The following SLC2A12 variants were observed in gnomAD, a reference collection of about 807,000 sequenced individuals.
The protein encoded by SLC2A12 is solute carrier family 2, facilitated glucose transporter member 12.
Under a neutral mutation model 41.8 loss-of-function variants are expected in SLC2A12, and 23 were observed. That is an observed-to-expected ratio of 0.55 (90% CI 0.40 to 0.78). SLC2A12 has a LOEUF of 0.78. Ranked by LOEUF, SLC2A12 falls within the 30% of genes least tolerant of loss-of-function variation. The pLI is 0.00. For synonymous variants in SLC2A12, 295 were observed against 285.9 expected (o/e 1.03, Z -0.32); for missense variants, 654 against 745.6 (o/e 0.88, Z 1.43).
intron 1 of SLC2A12, among the ~76,000 whole-genome samples, chr6:134,035,728 C>G (rs2114492863): frequency 1.3e-5 from 2 of 152,330 alleles, no homozygotes; most frequent in Middle Eastern, 6.8e-3. Context: ...TCTGTCTCCA[C>G]ACTGCGTTGC....
rs1225437732 is a variant in SLC2A12 at position 134,022,547 on chromosome 6, AG to A, written c.1444+5833del. 3.2e-4 allele frequency among the ~76,000 whole-genome samples: 13 copies of A among 40,126 alleles called. No homozygotes were observed. The South Asian group carries it at 6.1e-3, about 19-fold the overall frequency. The allele number at this position is 40,126 out of a possible 152,430, so 26.3% of individuals were successfully genotyped here. Reference sequence around the variant, plus strand: ...ACTCCATCTCAAAAAAGAAAAGAAAAGAAAAGAAAAGAAAAGAAAAGAAAAG... The same window carrying A: ...ACTCCATCTCAAAAAAGAAAAGAAAAAAAAGAAAAGAAAAGAAAAGAAAAG... On this transcript the variant is annotated intron_variant, in intron 2 of 4. Transcript: ENST00000275230.
chr6:134,016,898 G>A (rs1776969511), intron 2 of SLC2A12, among the ~76,000 whole-genome samples: 1 of 152,062 alleles, frequency 6.6e-6, no homozygotes, highest in Admixed American at 6.6e-5. Flanking sequence ...GTTTAATTAG[G>A]TAAGCAAAAA....
rs200249148 is a variant in SLC2A12 at position 133,987,648 on chromosome 6, G to GTGTGTGTATATATATA, written c.*3506_*3507insTATATATATACACACA. The GTGTGTGTATATATATA allele has an allele frequency of 1.1e-5, 1 of 88,320 alleles. No homozygotes were observed. Among genetic ancestry groups the GTGTGTGTATATATATA allele is most frequent in the Non-Finnish European group, 2.8e-5 (1 of 35,238 alleles). 5.5% of individuals were successfully genotyped at this position (88,320 alleles called of 1,614,324 possible). On this transcript the variant is annotated 3_prime_UTR_variant, in exon 5 of 5. Coordinates refer to ENST00000275230, the MANE Select transcript of SLC2A12 (RefSeq NM_145176.3). ...TTTGTGTGTGTGTGTGTGTGTGTGT[G>GTGTGTGTATATATATA]TATATATATATATATATATGCACCA...
chr6:134,021,624 CA>C (rs1279241607), intron 2 of SLC2A12, among the ~76,000 whole-genome samples: 2 of 152,162 alleles, frequency 1.3e-5, no homozygotes, highest in African/African-American at 4.8e-5. Context: ...TTACTATGCC[CA>C]TTACATAGAT....
intron 4 of SLC2A12, among the ~76,000 whole-genome samples, chr6:133,996,686 A>G: frequency 6.6e-6 from 1 of 152,198 alleles, no homozygotes; most frequent in Non-Finnish European, 1.5e-5. Flanking sequence ...ATTAACTTGT[A>G]AATTCATGAA....
chr6:134,025,967 C>T (rs1409419622), intron 2 of SLC2A12, among the ~76,000 whole-genome samples: 6 of 152,194 alleles, frequency 3.9e-5, no homozygotes, highest in African/African-American at 1.4e-4. Flanking sequence ...TTCAAAATTA[C>T]CCCAAAACTA....
chr6:134,049,117 G>A lies in SLC2A12; in HGVS notation c.103+3261C>T, dbSNP rs192026508. Among the ~76,000 whole-genome samples the A allele has an allele frequency of 5.9e-5, 9 of 152,306 alleles. No homozygotes were observed. The East Asian group carries it at 1.3e-3, about 23-fold the overall frequency. Reference sequence around the variant, plus strand: ...GTTCACAGCTTTAAAAGCGTTTTGAGAACAACTGCCTTAGAATGTTCATCT... The same window carrying A: ...GTTCACAGCTTTAAAAGCGTTTTGAAAACAACTGCCTTAGAATGTTCATCT... On this transcript the variant is annotated intron_variant, in intron 1 of 4. Coordinates refer to ENST00000275230, the MANE Select transcript of SLC2A12 (RefSeq NM_145176.3).
At chr6:134,051,763 G>C (rs774573741) in intron 1 of SLC2A12, among the ~76,000 whole-genome samples, 14 of 152,202 alleles carry the variant, frequency 9.2e-5, no homozygotes, top group African/African-American at 1.9e-4. Flanking sequence ...CAGTTTTAAA[G>C]AAGGCAGAAC....
chr6:134,042,513 A>G (rs1421812780), intron 1 of SLC2A12, among the ~76,000 whole-genome samples: 2 of 151,664 alleles, frequency 1.3e-5, no homozygotes, highest in Admixed American at 1.3e-4. Context: ...AGAAAGAGAA[A>G]GAGAGAATGA....
chr6:134,027,759 A>G (rs1777134337), intron 2 of SLC2A12, among the ~76,000 whole-genome samples: 2 of 152,210 alleles, frequency 1.3e-5, no homozygotes, highest in Admixed American at 1.3e-4. Context: ...GACTAGTTAT[A>G]TAAAATAAAA....
At chr6:134,025,968 C>T (rs989120410) in intron 2 of SLC2A12, among the ~76,000 whole-genome samples, 2 of 152,048 alleles carry the variant, frequency 1.3e-5, no homozygotes, top group African/African-American at 4.8e-5. Flanking sequence ...TCAAAATTAC[C>T]CCAAAACTAA....
Position 133,991,234 on chromosome 6 carries a change from CTTTTTT to C in SLC2A12, c.1769_1774del (p.Gln590_Lys591del). ...CTCCAAGAGCTGCTCCTGGGGTTTT[CTTTTTT>C]GAGGCTGTTTTGGCACTAATTCTTC... is the stretch of plus-strand genomic sequence containing the variant. On this transcript the variant is annotated inframe_deletion, in exon 5 of 5. Transcript: ENST00000275230. 1.2e-6 allele frequency: 2 copies of C among 1,614,014 alleles called. No individual in the cohort carries two copies. Among genetic ancestry groups the C allele is most frequent in the Non-Finnish European group, 1.7e-6 (2 of 1,180,000 alleles).
At position 134,028,871 on chromosome 6, in the gene SLC2A12, G is replaced by T. The variant is rs763540427; in HGVS notation, c.954C>A (p.Leu318=). 6.2e-7 allele frequency: 1 copy of T among 1,614,092 alleles called. No individual in the cohort carries two copies. Among genetic ancestry groups the T allele is most frequent in the Admixed American group, 1.7e-5 (1 of 59,998 alleles). ...TGACGACTCCAACCCCAGTGGAGGCGAGGCTAGCTGCCTCATTGCTTTGAA... is the reference window on the plus strand; with the variant it reads ...TGACGACTCCAACCCCAGTGGAGGCTAGGCTAGCTGCCTCATTGCTTTGAA... ...VGFQSNEAAS[L]ASTGVGVVKV... Residue 318 remains leucine (L), a synonymous_variant, in exon 2 of 5, where the codon CTC becomes CTA. Transcript: ENST00000275230.
At chr6:134,033,201 G>A (rs1035533574) in intron 1 of SLC2A12, among the ~76,000 whole-genome samples, 2 of 152,008 alleles carry the variant, frequency 1.3e-5, no homozygotes, top group African/African-American at 4.8e-5. Flanking sequence ...TTTTCATTGT[G>A]TTCCAAGTAT....
intron 2 of SLC2A12, among the ~76,000 whole-genome samples, chr6:134,010,618 G>A (rs754762887): frequency 2.0e-5 from 3 of 152,028 alleles, no homozygotes; most frequent in Admixed American, 6.6e-5. Context: ...TTGGACTTGT[G>A]GGGGGGCGGA....
chr6:134,048,180 G>T (rs187934245), intron 1 of SLC2A12, among the ~76,000 whole-genome samples: 3 of 152,310 alleles, frequency 2.0e-5, no homozygotes, highest in Admixed American at 6.5e-5. Flanking sequence ...TCCAAGTGAG[G>T]TTAAATGTAC....
chr6:134,027,235 T>G (rs1237673595), intron 2 of SLC2A12, among the ~76,000 whole-genome samples: 1 of 152,080 alleles, frequency 6.6e-6, no homozygotes, highest in Non-Finnish European at 1.5e-5. Context: ...TAATAGTTAA[T>G]GAGTTAGCAG....
At chr6:133,996,400 T>A (rs568403879) in intron 4 of SLC2A12, among the ~76,000 whole-genome samples, 152 of 151,866 alleles carry the variant, frequency 1.0e-3, no homozygotes, top group Non-Finnish European at 2.0e-3. Context: ...AAATAAAATC[T>A]TTTCAAATTA....
At chr6:134,051,610 A>C (rs1029749657) in intron 1 of SLC2A12, among the ~76,000 whole-genome samples, 3 of 152,222 alleles carry the variant, frequency 2.0e-5, no homozygotes, top group African/African-American at 7.2e-5. Flanking sequence ...GGCAGCAAAA[A>C]GCGTACAATG....
Sources: gnomAD v4.1 joint callset for allele counts (sites outside exome capture counted in the v4.1 genomes callset) on GRCh38, gnomAD v4.1.1 for gene constraint, MANE v1.5 for transcripts, NCBI Gene and HGNC (gene_info 2026-07-23, HGNC 2026-07-21) for gene names.